Variants in AGBL1 observed in about 807,000 individuals in gnomAD.
AGBL1 encodes the protein cytosolic carboxypeptidase 4.
A neutral mutation model predicts 118.9 loss-of-function variants in AGBL1; 130 were observed. That is an observed-to-expected ratio of 1.09 (90% CI 0.95 to 1.26). The LOEUF is 1.26. Among genes scored for constraint, AGBL1 ranks in the 50% most tolerant of loss-of-function variants. The probability of loss-of-function intolerance (pLI) is 0.00; values close to 1 mark genes in which losing one functional copy is unlikely to be tolerated. For synonymous variants in AGBL1, 555 were observed against 478.9 expected (o/e 1.16, Z -2.08); for missense variants, 1,584 against 1,298.1 (o/e 1.22, Z -3.38).
chr15:86,982,409 T>TA (rs916833216), intron 23 of AGBL1, among the ~76,000 whole-genome samples: 7 of 152,104 alleles, frequency 4.6e-5, no homozygotes, highest in African/African-American at 1.4e-4. Flanking sequence ...TTATCTTGTT[T>TA]TTTTTTTGCT....
chr15:86,366,068 A>G (rs1417561964), intron 17 of AGBL1, among the ~76,000 whole-genome samples: 1 of 152,152 alleles, frequency 6.6e-6, no homozygotes, highest in Non-Finnish European at 1.5e-5. Context: ...CTGGCAGCAA[A>G]TATTTTCATA....
chr15:86,574,570 A>ATTTTTTTTTTTTT (rs776642678), intron 21 of AGBL1, among the ~76,000 whole-genome samples: 9 of 83,760 alleles, frequency 1.1e-4, no homozygotes, highest in African/African-American at 2.7e-4. Context: ...AAAAGTTTTA[A>ATTTTTTTTTTTTT]TTTTTTTTTT....
rs77051678 is a variant in AGBL1 at position 86,098,984 on chromosome 15, C to T, written c.51+18961C>T. Among the ~76,000 whole-genome samples the T allele has an allele frequency of 5.8e-3, 879 of 152,224 alleles. 7 individuals carry two copies. The highest frequency in any genetic ancestry group is 9.4e-3 in the Admixed American group (143 of 15,282). On this transcript the variant is annotated intron_variant, in intron 1 of 22. Coordinates refer to ENST00000614907, the MANE Select transcript of AGBL1 (RefSeq NM_001386094.1). Reference sequence around the variant, plus strand: ...CATTTTTTAGTGTCCTCCTCAATTTCCTTCATCAATGTTTTGTAGTTTTCC... The same window carrying T: ...CATTTTTTAGTGTCCTCCTCAATTTTCTTCATCAATGTTTTGTAGTTTTCC...
chr15:86,612,195 C>T (rs930809766), intron 21 of AGBL1, among the ~76,000 whole-genome samples: 3 of 152,018 alleles, frequency 2.0e-5, no homozygotes, highest in African/African-American at 7.2e-5. Context: ...TGCCTTTGAC[C>T]AGCAGCAGGA....
At chr15:87,004,049 T>C (rs146956179) in intron 24 of AGBL1, among the ~76,000 whole-genome samples, 5,654 of 152,272 alleles carry the variant, frequency 0.037, 353 homozygotes, top group African/African-American at 0.13. Context: ...TTCTTTCAAT[T>C]GTGATGTTAG....
intron 1 of AGBL1, among the ~76,000 whole-genome samples, chr15:86,116,016 T>C (rs573554263): frequency 1.3e-5 from 2 of 152,300 alleles, no homozygotes; most frequent in South Asian, 4.1e-4. Context: ...TAAAATTCTC[T>C]TATAGGAAGG....
intron 17 of AGBL1, among the ~76,000 whole-genome samples, chr15:86,304,215 G>A (rs774435297): frequency 7.2e-5 from 11 of 151,960 alleles, no homozygotes; most frequent in Non-Finnish European, 1.3e-4. Flanking sequence ...TCTCCCACCC[G>A]TATCTAAAAT....
intron 18 of AGBL1, among the ~76,000 whole-genome samples, chr15:86,504,453 A>C (rs539602877): frequency 6.6e-6 from 1 of 151,656 alleles, no homozygotes; most frequent in East Asian, 1.9e-4. Flanking sequence ...TCATTTTGCT[A>C]TCAGTTTTCC....
At chr15:86,765,897 G>A (rs1012408714) in intron 22 of AGBL1, among the ~76,000 whole-genome samples, 1 of 151,886 alleles carries the variant, frequency 6.6e-6, no homozygotes, top group African/African-American at 2.4e-5. Context: ...GTCTCTAGGT[G>A]TTGTCTAAAA....
chr15:86,133,262 A>G (rs1182707722), intron 1 of AGBL1, among the ~76,000 whole-genome samples: 2 of 152,250 alleles, frequency 1.3e-5, no homozygotes, highest in South Asian at 2.1e-4. Context: ...CAACTTTGCC[A>G]TAGGACTTTG....
intron 5 of AGBL1, among the ~76,000 whole-genome samples, chr15:86,169,233 A>G (rs568566304): frequency 3.3e-5 from 5 of 152,344 alleles, no homozygotes; most frequent in Admixed American, 1.3e-4. Flanking sequence ...AGCTGCACAG[A>G]AGGAAAACTC....
intron 22 of AGBL1, among the ~76,000 whole-genome samples, chr15:86,723,168 G>C (rs946791309): frequency 6.6e-6 from 1 of 152,138 alleles, no homozygotes; most frequent in Non-Finnish European, 1.5e-5. Flanking sequence ...ATGTCCAAAG[G>C]ATTATAAATC....
chr15:86,883,681 C>T (rs1253045083), intron 22 of AGBL1, among the ~76,000 whole-genome samples: 1 of 152,126 alleles, frequency 6.6e-6, no homozygotes, highest in Non-Finnish European at 1.5e-5. Flanking sequence ...AGTAATATCC[C>T]TAGCACATGG....
intron 22 of AGBL1, among the ~76,000 whole-genome samples, chr15:86,713,033 G>A (rs557342754): frequency 6.6e-6 from 1 of 152,262 alleles, no homozygotes; most frequent in South Asian, 2.1e-4. Flanking sequence ...TTGTGTGTCT[G>A]TTTCCCCAGG....
rs568016425 is a variant in AGBL1, at chr15:86,504,111, T to C, written c.2556-18699T>C. Among the ~76,000 whole-genome samples, 15 of 151,820 alleles carry C rather than the reference T, an allele frequency of 9.9e-5. No individual in the cohort carries two copies. In the South Asian group the frequency reaches 3.1e-3, roughly 31 times the overall value. The stretch of plus-strand genomic sequence containing the variant: ...TGTATGATGGTGCTTTGTTATTAGT[T>C]GTGCACATATTTACAATCTAGCTTC... On this transcript the variant is annotated intron_variant, in intron 18 of 22. Coordinates refer to ENST00000614907, the MANE Select transcript of AGBL1 (RefSeq NM_001386094.1).
chr15:86,860,933 T>G (rs1370877337), intron 22 of AGBL1, among the ~76,000 whole-genome samples: 1 of 152,116 alleles, frequency 6.6e-6, no homozygotes, highest in Non-Finnish European at 1.5e-5. Context: ...GCTGCTCTTG[T>G]GCCTCCCCAG....
At chr15:87,015,512 C>T (rs1223834616) in intron 24 of AGBL1, among the ~76,000 whole-genome samples, 3 of 152,132 alleles carry the variant, frequency 2.0e-5, no homozygotes, top group Admixed American at 6.6e-5. Context: ...CCCTTCCAAG[C>T]TATGTGATTC....
intron 17 of AGBL1, among the ~76,000 whole-genome samples, chr15:86,341,956 A>G (rs1422863337): frequency 6.6e-6 from 1 of 152,176 alleles, no homozygotes; most frequent in Non-Finnish European, 1.5e-5. Context: ...TTCAGGTTAT[A>G]TGAATATTTC....
intron 21 of AGBL1, among the ~76,000 whole-genome samples, chr15:86,618,280 C>T (rs1169255302): frequency 2.0e-5 from 3 of 152,100 alleles, no homozygotes; most frequent in African/African-American, 2.4e-5. Context: ...CTTCTTGGTG[C>T]TATGGCAACT....
Sources: gnomAD v4.1 joint callset for allele counts (sites outside exome capture counted in the v4.1 genomes callset) on GRCh38, gnomAD v4.1.1 for gene constraint, MANE v1.5 for transcripts, NCBI Gene and HGNC (gene_info 2026-07-23, HGNC 2026-07-21) for gene names.